FANCD2: variants seen among roughly 807,000 people sequenced by gnomAD.
FANCD2 encodes Fanconi anemia group D2 protein.
A neutral mutation model predicts 192.3 loss-of-function variants in FANCD2; 131 were observed. That is an observed-to-expected ratio of 0.68 (90% CI 0.59 to 0.79). The LOEUF (loss-of-function observed/expected upper bound fraction) is 0.79. Among genes scored for constraint, FANCD2 ranks in the 30% least tolerant of loss-of-function variants. The pLI is 0.00. For synonymous variants in FANCD2, 524 were observed against 612.5 expected (o/e 0.86, Z 2.13); for missense variants, 1,508 against 1,701.6 (o/e 0.89, Z 2.00).
intron 18 of FANCD2, 149 bp downstream of exon 18, chr3:10,052,646 G>A (rs2087253237): frequency 1.5e-6 from 1 of 665,532 alleles, no homozygotes; most frequent in Non-Finnish European, 2.7e-6. Flanking sequence ...AGCCTCCCAA[G>A]TGGCTGGGAC....
At chr3:10,034,255 G>A (rs2086673825) in intron 3 of FANCD2, among the ~76,000 whole-genome samples, 1 of 145,544 alleles carries the variant, frequency 6.9e-6, no homozygotes, top group Non-Finnish European at 1.5e-5. Flanking sequence ...AACCCAGGAG[G>A]CGGAAGTTCC....
At chr3:10,082,035 T>C (rs1693871622) in intron 32 of FANCD2, among the ~76,000 whole-genome samples, 1 of 152,232 alleles carries the variant, frequency 6.6e-6, no homozygotes, top group Admixed American at 6.5e-5. Context: ...ATTTATTTTC[T>C]GAGCTATAGG....
At chr3:10,057,435 G>T (rs1387248361) in intron 18 of FANCD2, among the ~76,000 whole-genome samples, 1 of 150,914 alleles carries the variant, frequency 6.6e-6, no homozygotes, top group Non-Finnish European at 1.5e-5. Context: ...CACAATCTCA[G>T]CTCACTCCAA....
At chr3:10,099,806 T>G (rs1462907915) in intron 43 of FANCD2, 1 of 152,098 alleles carries the variant, frequency 6.6e-6, no homozygotes, top group South Asian at 2.1e-4. Flanking sequence ...ACAATTCAGG[T>G]AGGTTATAGA....
chr3:10,031,234 T>TG (rs2086584102), intron 2 of FANCD2, among the ~76,000 whole-genome samples: 1 of 152,154 alleles, frequency 6.6e-6, no homozygotes, highest in Non-Finnish European at 1.5e-5. Flanking sequence ...CCAGGCACGG[T>TG]GGCTCACGCC....
intron 18 of FANCD2, among the ~76,000 whole-genome samples, chr3:10,053,350 G>A (rs565994663): frequency 2.7e-5 from 4 of 150,672 alleles, no homozygotes; most frequent in African/African-American, 9.8e-5. Context: ...GGCACAGGAA[G>A]GGGAACATCA....
chr3:10,031,470 C>G (rs1458932959), intron 2 of FANCD2, among the ~76,000 whole-genome samples: 1 of 148,324 alleles, frequency 6.7e-6, no homozygotes, highest in Non-Finnish European at 1.5e-5. Flanking sequence ...CCACTGCACT[C>G]CAGCCTGGGC....
intron 23 of FANCD2, among the ~76,000 whole-genome samples, chr3:10,065,148 G>A (rs1009351870): frequency 6.6e-6 from 1 of 152,162 alleles, no homozygotes; most frequent in Non-Finnish European, 1.5e-5. Context: ...AATTAGCCGG[G>A]CAGTGTGGCA....
At chr3:10,100,384 CT>C (rs1559412217) in intron 43 of FANCD2, among the ~76,000 whole-genome samples, 1 of 152,068 alleles carries the variant, frequency 6.6e-6, no homozygotes, top group Non-Finnish European at 1.5e-5. Context: ...CACAGCACTT[CT>C]TTTTTTGAGA....
At chr3:10,034,324 C>CAAAAAAAA (rs879221957) in intron 3 of FANCD2, 145 bp from the exon 4 acceptor site, 19 of 418,248 alleles carry the variant, frequency 4.5e-5, no homozygotes, top group Admixed American at 9.2e-5. Context: ...AACTCCATCT[C>CAAAAAAAA]AAAAAAAAAA....
chr3:10,040,748 T>C, intron 9 of FANCD2: 1 of 348,362 alleles, frequency 2.9e-6, no homozygotes, highest in South Asian at 2.2e-5. Context: ...TTTTGTATAG[T>C]TGTCTGCAAA....
chr3:10,029,025 C>G (rs745937059), intron 2 of FANCD2, among the ~76,000 whole-genome samples: 5 of 152,066 alleles, frequency 3.3e-5, no homozygotes, highest in Non-Finnish European at 7.4e-5. Flanking sequence ...TAGTCTGTAC[C>G]CTTAAAAAAC....
intron 24 of FANCD2, 149 bp downstream of exon 24, chr3:10,065,643 G>A (rs1439636118): frequency 6.9e-6 from 5 of 729,028 alleles, no homozygotes; most frequent in Non-Finnish European, 1.2e-5. Flanking sequence ...AGACAAAATA[G>A]TACATACAGA....
chr3:10,037,404 A>G (rs2086759085), intron 7 of FANCD2: 1 of 152,246 alleles, frequency 6.6e-6, no homozygotes, highest in Non-Finnish European at 1.5e-5. Context: ...TAGTGAGCAT[A>G]TAAATTAGTT....
Position 10,075,209 on chromosome 3 carries a change from G to A in FANCD2, c.2859+536G>A, listed in dbSNP as rs373738236. 7.3e-5 allele frequency among the ~76,000 whole-genome samples: 11 copies of A among 150,776 alleles called. 1 individual carries two copies. The East Asian group carries it at 9.7e-4, about 13-fold the overall frequency. On this transcript the variant is annotated intron_variant, in intron 29 of 43. Coordinates refer to ENST00000675286, the MANE Select transcript of FANCD2 (RefSeq NM_001018115.3). ...TTTTCTTTTTTTTTTTTGAGATGGA[G>A]TCTCTCTCTGTCGCCCAGGCTGGAG... is the stretch of plus-strand genomic sequence containing the variant.
chr3:10,062,273 C>A, intron 20 of FANCD2, 62 bp downstream of exon 20: 1 of 1,374,420 alleles, frequency 7.3e-7, no homozygotes, highest in Non-Finnish European at 1.0e-6. Context: ...GAGAGTCTCG[C>A]TCTGTCACCC....
chr3:10,030,247 C>T (rs2124964416), intron 2 of FANCD2, among the ~76,000 whole-genome samples: 1 of 152,078 alleles, frequency 6.6e-6, no homozygotes, highest in South Asian at 2.1e-4. Context: ...CATGTACATG[C>T]CATCATGCCT....
chr3:10,087,059 C>T (rs878918491), intron 33 of FANCD2, 75 bp from the exon 34 acceptor site: 13 of 1,529,284 alleles, frequency 8.5e-6, no homozygotes, highest in African/African-American at 8.2e-5. Flanking sequence ...GACTTGGGCA[C>T]GTCATGTGGA....
At chr3:10,087,918 A>T (rs549444572) in intron 34 of FANCD2, among the ~76,000 whole-genome samples, 2 of 152,302 alleles carry the variant, frequency 1.3e-5, no homozygotes, top group Non-Finnish European at 2.9e-5. Context: ...AAGTGCTGGG[A>T]TTACAGACGT....
Sources: gnomAD v4.1 joint callset for allele counts (sites outside exome capture counted in the v4.1 genomes callset) on GRCh38, gnomAD v4.1.1 for gene constraint, MANE v1.5 for transcripts, NCBI Gene and HGNC (gene_info 2026-07-23, HGNC 2026-07-21) for gene names.